The following LEKR1 variants were observed in gnomAD, a reference collection of about 807,000 sequenced individuals.
LEKR1 encodes the protein leucine, glutamate and lysine rich 1.
Under a neutral mutation model 72.4 loss-of-function variants are expected in LEKR1, and 59 were observed. The ratio of observed to expected loss-of-function variants is 0.82; its 90% CI spans 0.66 to 1.01. LEKR1 has a LOEUF of 1.01. Ranked by LOEUF, LEKR1 falls within the 50% of genes least tolerant of loss-of-function variation. LEKR1 has a pLI of 0.00. For missense variants in LEKR1, 728 were observed against 759.2 expected (o/e 0.96, Z 0.48); for synonymous variants, 257 against 263.2 (o/e 0.98, Z 0.23).
intron 12 of LEKR1, among the ~76,000 whole-genome samples, chr3:157,034,972 C>T (rs1458633962): frequency 6.6e-6 from 1 of 152,166 alleles, no homozygotes; most frequent in Non-Finnish European, 1.5e-5. Flanking sequence ...CAACCTTCAG[C>T]AACTTCCACC....
chr3:156,927,159 C>T (rs951535955), intron 4 of LEKR1, among the ~76,000 whole-genome samples: 2 of 151,742 alleles, frequency 1.3e-5, no homozygotes, highest in Admixed American at 1.3e-4. Flanking sequence ...ATTAATAGAA[C>T]AAATGTATAT....
At chr3:157,043,966 G>T (rs1182146609) in intron 12 of LEKR1, among the ~76,000 whole-genome samples, 1 of 152,202 alleles carries the variant, frequency 6.6e-6, no homozygotes, top group Non-Finnish European at 1.5e-5. Flanking sequence ...ATCTGGAATT[G>T]CTCCATATTT....
intron 3 of LEKR1, among the ~76,000 whole-genome samples, chr3:156,895,295 A>G (rs1328521266): frequency 6.6e-6 from 1 of 152,198 alleles, no homozygotes; most frequent in East Asian, 1.9e-4. Flanking sequence ...GCTCAACATC[A>G]CTGATCATTA....
At chr3:156,991,197 C>T (rs990860412) in intron 7 of LEKR1, among the ~76,000 whole-genome samples, 8 of 151,834 alleles carry the variant, frequency 5.3e-5, no homozygotes, top group African/African-American at 9.7e-5. Flanking sequence ...TTTTAGGGAG[C>T]GGGGAGTTGG....
intron 12 of LEKR1, among the ~76,000 whole-genome samples, chr3:157,038,588 A>G (rs1209463438): frequency 6.6e-6 from 1 of 152,168 alleles, no homozygotes; most frequent in African/African-American, 2.4e-5. Context: ...GAAGAGGAGT[A>G]GAATCTAGCG....
At position 156,899,274 on chromosome 3, in the gene LEKR1, G is replaced by A. The variant is rs140949072; in HGVS notation, c.264-21301G>A. ...TATACATATATATATATACACACAT[G>A]TATATATATACATGTATATATACAT... On this transcript the variant is annotated intron_variant, in intron 3 of 12. Coordinates refer to ENST00000356539, the MANE Select transcript of LEKR1 (RefSeq NM_001004316.3). 9.7e-3 allele frequency among the ~76,000 whole-genome samples: 1,365 copies of A among 140,270 alleles called. 24 individuals are homozygous for A. The highest frequency in any genetic ancestry group is 0.035 in the African/African-American group (1,261 of 36,386). 92.0% of individuals were successfully genotyped at this position (140,270 alleles called of 152,430 possible).
At chr3:156,904,423 T>A (rs1480875647) in intron 3 of LEKR1, among the ~76,000 whole-genome samples, 1 of 151,392 alleles carries the variant, frequency 6.6e-6, no homozygotes, top group Non-Finnish European at 1.5e-5. Flanking sequence ...TCATGTTTTT[T>A]TTTTTTTACT....
At chr3:157,027,374 A>C (rs937130690) in intron 11 of LEKR1, among the ~76,000 whole-genome samples, 1 of 152,162 alleles carries the variant, frequency 6.6e-6, no homozygotes, top group Non-Finnish European at 1.5e-5. Context: ...AAAAGAAAAA[A>C]AAATTATGTT....
At chr3:156,869,634 T>C (rs920187580) in intron 3 of LEKR1, among the ~76,000 whole-genome samples, 1 of 152,054 alleles carries the variant, frequency 6.6e-6, no homozygotes, top group Non-Finnish European at 1.5e-5. Flanking sequence ...GGATTGCAGG[T>C]ATTTTCTCCC....
At chr3:156,911,482 T>C (rs1323800512) in intron 3 of LEKR1, among the ~76,000 whole-genome samples, 1 of 152,190 alleles carries the variant, frequency 6.6e-6, no homozygotes, top group African/African-American at 2.4e-5. Flanking sequence ...TAGTTTCTTT[T>C]GCTGTGCAGA....
chr3:156,955,258 AG>A (rs1560105757), intron 6 of LEKR1, among the ~76,000 whole-genome samples: 1 of 151,652 alleles, frequency 6.6e-6, no homozygotes, highest in African/African-American at 2.4e-5. Context: ...GGGCTGAGAC[AG>A]GTTTCTAGGT....
chr3:156,953,151 A>G (rs1727315899), intron 6 of LEKR1, among the ~76,000 whole-genome samples: 1 of 130,148 alleles, frequency 7.7e-6, no homozygotes, highest in Admixed American at 9.0e-5. Flanking sequence ...GAGATGAATG[A>G]GGGGAGTCTT....
intron 2 of LEKR1, among the ~76,000 whole-genome samples, chr3:156,842,089 A>C (rs1469779645): frequency 6.6e-6 from 1 of 152,190 alleles, no homozygotes; most frequent in Non-Finnish European, 1.5e-5. Context: ...ATTTCATCCC[A>C]AAATCATCCC....
At chr3:156,907,978 G>A (rs1007911525) in intron 3 of LEKR1, among the ~76,000 whole-genome samples, 14 of 151,812 alleles carry the variant, frequency 9.2e-5, no homozygotes, top group African/African-American at 2.7e-4. Context: ...TTTAAATACT[G>A]GTCATTTATT....
intron 10 of LEKR1, among the ~76,000 whole-genome samples, chr3:157,014,047 A>G (rs1012985896): frequency 1.3e-5 from 2 of 152,064 alleles, no homozygotes; most frequent in Non-Finnish European, 2.9e-5. Context: ...TATTTCAAGT[A>G]TTACTACTTG....
intron 12 of LEKR1, among the ~76,000 whole-genome samples, chr3:157,033,285 G>T (rs1320638251): frequency 6.6e-6 from 1 of 152,206 alleles, no homozygotes; most frequent in African/African-American, 2.4e-5. Context: ...CAAATCAAAA[G>T]TTGAGATAAG....
chr3:156,875,963 C>G (rs535613633), intron 3 of LEKR1, among the ~76,000 whole-genome samples: 2 of 142,052 alleles, frequency 1.4e-5, no homozygotes, highest in Admixed American at 1.5e-4. Context: ...CCAAGGCACT[C>G]CAGCCTGGGC....
chr3:156,966,438 C>T (rs184618301), intron 6 of LEKR1, among the ~76,000 whole-genome samples: 10 of 152,272 alleles, frequency 6.6e-5, no homozygotes, highest in East Asian at 1.9e-4. Flanking sequence ...CCTAATACTG[C>T]GCTTTTCCAA....
chr3:156,982,818 T>C, intron 7 of LEKR1, among the ~76,000 whole-genome samples: 1 of 151,448 alleles, frequency 6.6e-6, no homozygotes, highest in East Asian at 1.9e-4. Context: ...ATACTTTTAT[T>C]ACTTTCATAT....
Sources: allele counts gnomAD v4.1 joint callset (sites outside exome capture counted in the v4.1 genomes callset), GRCh38; gene constraint gnomAD v4.1.1; transcripts MANE v1.5; gene names NCBI Gene and HGNC (gene_info 2026-07-23, HGNC 2026-07-21).